ASAH2: variants seen among roughly 807,000 people sequenced by gnomAD.
ASAH2 encodes N-acylsphingosine amidohydrolase 2, also known as neutral ceramidase.
A neutral mutation model predicts 82.9 loss-of-function variants in ASAH2; 58 were observed. The ratio of observed to expected loss-of-function variants is 0.70; its 90% CI spans 0.57 to 0.87. ASAH2 has a LOEUF of 0.87. Among genes scored for constraint, ASAH2 ranks in the 40% least tolerant of loss-of-function variants. The pLI is 0.00. For missense variants in ASAH2, 779 were observed against 834.0 expected (o/e 0.93, Z 0.81); for synonymous variants, 276 against 289.7 (o/e 0.95, Z 0.48).
intron 16 of ASAH2, among the ~76,000 whole-genome samples, chr10:50,200,599 G>T (rs1269742681): frequency 1.3e-5 from 2 of 151,884 alleles, no homozygotes; most frequent in Non-Finnish European, 2.9e-5. Context: ...ATAACACCTT[G>T]TGCATGCCTT....
At chr10:50,213,519 C>A (rs2133208646) in intron 9 of ASAH2, among the ~76,000 whole-genome samples, 1 of 152,248 alleles carries the variant, frequency 6.6e-6, no homozygotes, top group South Asian at 2.1e-4. Context: ...CTATTTCCTA[C>A]TTCTTATGTC....
intron 7 of ASAH2, among the ~76,000 whole-genome samples, chr10:50,229,029 T>G (rs1348141536): frequency 1.3e-5 from 2 of 152,192 alleles, no homozygotes; most frequent in Non-Finnish European, 2.9e-5. Context: ...TGTAGCTATG[T>G]GAGTAGTAGC....
chr10:50,216,616 T>C (rs1206014081), intron 8 of ASAH2, among the ~76,000 whole-genome samples: 4 of 152,186 alleles, frequency 2.6e-5, no homozygotes, highest in Non-Finnish European at 5.9e-5. Context: ...GACTTTCCTG[T>C]TGCACAATGA....
chr10:50,221,274 C>G (rs1298257233), intron 7 of ASAH2, among the ~76,000 whole-genome samples: 1 of 151,998 alleles, frequency 6.6e-6, no homozygotes, highest in Non-Finnish European at 1.5e-5. Flanking sequence ...ATGGATTTTG[C>G]TTTTTTGGAG....
chr10:50,228,985 G>T (rs954897423), intron 7 of ASAH2, among the ~76,000 whole-genome samples: 2 of 152,098 alleles, frequency 1.3e-5, no homozygotes, highest in Non-Finnish European at 2.9e-5. Context: ...AAATAAGTCG[G>T]CCTCCTCACC....
At position 50,218,586 on chromosome 10, in the gene ASAH2, A is replaced by T; in HGVS notation, c.938T>A (p.Leu313His). The T allele has an allele frequency of 6.2e-7, 1 of 1,613,806 alleles. No homozygotes were observed. The highest frequency in any genetic ancestry group is 8.5e-7 in the Non-Finnish European group (1 of 1,179,768). Residue 313 changes from leucine (L) to histidine (H), a missense_variant, in exon 8 of 21, where the codon CTT (leucine) becomes CAT (histidine). Physicochemically the swap from Leu to His is moderately conservative, Grantham distance 99. This residue lies in a region of ASAH2 where 759 missense variants were observed against 755.2 expected (regional missense o/e 1.00). Transcript: ENST00000682911. ...HPVSMNNSNH[L>H]VNSDNVGYAS... ...ATAGCCCACATTGTCACTGTTTACA[A>T]GATGGTTACTGTTGTTCATGCTGAC...
At position 50,234,554 on chromosome 10, in the gene ASAH2, T is replaced by G. The variant is rs1009947445; in HGVS notation, c.688-2A>C. 67 of 1,612,626 alleles carry G rather than the reference T, an allele frequency of 4.2e-5. No individual in the cohort carries two copies. The highest frequency in any genetic ancestry group is 5.5e-5 in the Non-Finnish European group (65 of 1,178,984). On this transcript the variant is annotated splice_acceptor_variant, in intron 5 of 20. Transcript: ENST00000682911. LOFTEE classifies it high-confidence loss of function. ...ATTTGTGTGTGCTATGTCAATGCTC[T>G]GAAGGTTAAAAAAGAGGGGGATGTT...
chr10:50,229,335 T>C (rs1281936533), intron 7 of ASAH2, among the ~76,000 whole-genome samples: 1 of 152,134 alleles, frequency 6.6e-6, no homozygotes, highest in Non-Finnish European at 1.5e-5. Context: ...AAAAAAACAT[T>C]GAATGCTTTC....
chr10:50,235,939 A>C lies in ASAH2; in HGVS notation c.636T>G (p.Ser212Arg). 1.2e-6 allele frequency: 2 copies of C among 1,613,414 alleles called. No homozygotes were observed. The highest frequency in any genetic ancestry group is 1.7e-6 in the Non-Finnish European group (2 of 1,179,510). The change falls in exon 5 of 21, where the codon AGT (serine) becomes AGG (arginine). Residue 212 changes from serine to arginine, a missense_variant. Physicochemically the swap from Ser to Arg is moderately radical, Grantham distance 110 (BLOSUM62 -1). Around this residue, in one of 3 missense-constraint regions of ASAH2, gnomAD observed 759 missense variants for 755.2 expected, o/e 1.00. Transcript: ENST00000682911. The stretch of plus-strand genomic sequence containing the variant: ...GAAAAGTTTGATTGCTAAATCCTTC[A>C]CTGGCAATTACAAACACGGTATACT... ...YFQYTVFVIA[S>R]EGFSNQTFQH...
At chr10:50,202,150 C>G (rs1845165580) in intron 16 of ASAH2, among the ~76,000 whole-genome samples, 1 of 152,092 alleles carries the variant, frequency 6.6e-6, no homozygotes, top group Non-Finnish European at 1.5e-5. Context: ...GCAGAGTCTA[C>G]TCTTAGTATC....
At chr10:50,213,183 A>G in intron 9 of ASAH2, 125 bp from the exon 10 acceptor site, 1 of 861,862 alleles carries the variant, frequency 1.2e-6, no homozygotes, top group Non-Finnish European at 2.0e-6. Flanking sequence ...CTTTTCAGGT[A>G]GTCTCTCAAA....
intron 7 of ASAH2, among the ~76,000 whole-genome samples, chr10:50,222,155 G>A (rs1845766292): frequency 6.6e-6 from 1 of 152,232 alleles, no homozygotes; most frequent in Non-Finnish European, 1.5e-5. Flanking sequence ...TTGGCATTGT[G>A]TGAAGGATCG....
chr10:50,228,711 A>G (rs1845951676), intron 7 of ASAH2, among the ~76,000 whole-genome samples: 1 of 152,086 alleles, frequency 6.6e-6, no homozygotes, highest in African/African-American at 2.4e-5. Flanking sequence ...TATAAGAATA[A>G]AAGGGTTTGC....
At chr10:50,205,517 C>A (rs1392578724) in intron 13 of ASAH2, among the ~76,000 whole-genome samples, 1 of 151,878 alleles carries the variant, frequency 6.6e-6, no homozygotes, top group African/African-American at 2.4e-5. Context: ...ACTGAAATGA[C>A]CTTTTGACAT....
intron 5 of ASAH2, 98 bp from the exon 6 acceptor site, chr10:50,234,650 C>T: frequency 1.3e-6 from 2 of 1,546,888 alleles, no homozygotes; most frequent in Non-Finnish European, 1.8e-6. Flanking sequence ...GAACAATTTC[C>T]TTTGTCTCTA....
chr10:50,218,554 A>T lies in ASAH2; in HGVS notation c.970T>A (p.Tyr324Asn), dbSNP rs576044126. 1.5e-5 allele frequency: 24 copies of T among 1,613,750 alleles called. No individual in the cohort carries two copies. The East Asian group carries it at 2.2e-4, about 15-fold the overall frequency. The change falls in exon 8 of 21, where the codon TAC becomes AAC. Residue 324 changes from tyrosine to asparagine, a missense_variant. This residue lies in a region of ASAH2 where 759 missense variants were observed against 755.2 expected (regional missense o/e 1.00). Coordinates refer to ENST00000682911, the MANE Select transcript of ASAH2 (RefSeq NM_019893.4). The part of the protein sequence containing the change: ...VNSDNVGYAS[Y>N]LLEQEKNKGY... ...TTGTTCTTCTCTTGCTCAAGCAGGT[A>T]AGATGCATAGCCCACATTGTCACTG...
At position 50,215,110 on chromosome 10, in the gene ASAH2, CT is replaced by C. The variant is rs1363581518; in HGVS notation, c.1015-243del. On this transcript the variant is annotated intron_variant, in intron 8 of 20. Transcript: ENST00000682911. ...CCAATGTTGGCTTTTGTTGCTATTG[CT>C]TTTGGTGTTTTAGTCATGAAGTCTT... Among the ~76,000 whole-genome samples the C allele has an allele frequency of 2.6e-5, 4 of 152,180 alleles. No homozygotes were observed. The South Asian group carries it at 8.3e-4, about 32-fold the overall frequency.
chr10:50,216,303 A>T (rs2133211013), intron 8 of ASAH2, among the ~76,000 whole-genome samples: 1 of 59,244 alleles, frequency 1.7e-5, no homozygotes, highest in East Asian at 3.6e-4. Context: ...CTTAAAGTAT[A>T]ATAATAAAAA....
intron 7 of ASAH2, among the ~76,000 whole-genome samples, chr10:50,219,192 G>A (rs959714399): frequency 6.6e-6 from 1 of 152,176 alleles, no homozygotes; most frequent in African/African-American, 2.4e-5. Context: ...AAACAGCAGG[G>A]TAAATGCACA....
Sources: allele counts gnomAD v4.1 joint callset (sites outside exome capture counted in the v4.1 genomes callset), GRCh38; gene constraint gnomAD v4.1.1; regional missense constraint gnomAD v4.1.1; transcripts MANE v1.5; gene names NCBI Gene and HGNC (gene_info 2026-07-23, HGNC 2026-07-21).